The following SLC2A13 variants were observed in gnomAD, a reference collection of about 807,000 sequenced individuals.
SLC2A13 encodes the protein solute carrier family 2 member 13.
SLC2A13 carries 32 observed loss-of-function variants against 64.4 expected under a neutral mutation model. That is an observed-to-expected ratio of 0.50 (90% CI 0.37 to 0.67). The LOEUF (loss-of-function observed/expected upper bound fraction) is 0.67. SLC2A13 is among the 30% of genes least tolerant of loss of function. SLC2A13 has a pLI of 0.00. For synonymous variants in SLC2A13, 338 were observed against 327.1 expected (o/e 1.03, Z -0.36); for missense variants, 743 against 829.2 (o/e 0.90, Z 1.28).
Position 39,816,293 on chromosome 12 carries a change from G to A in SLC2A13, c.1445+13810C>T, listed in dbSNP as rs542111561. On this transcript the variant is annotated intron_variant, in intron 7 of 9. Coordinates refer to ENST00000280871, the MANE Select transcript of SLC2A13 (RefSeq NM_052885.4). ...TTTTCTCACTGATGGGGTGAAGGAT[G>A]AGATGAGATGAAAGGCCGTAGGTTG... is the stretch of plus-strand genomic sequence containing the variant. 1.0e-3 allele frequency among the ~76,000 whole-genome samples: 155 copies of A among 152,126 alleles called. 1 individual carries two copies. Among genetic ancestry groups the A allele is most frequent in the African/African-American group, 3.6e-3 (150 of 41,498 alleles).
intron 4 of SLC2A13, among the ~76,000 whole-genome samples, chr12:39,920,298 T>C (rs1378875279): frequency 6.6e-6 from 1 of 152,088 alleles, no homozygotes; most frequent in Non-Finnish European, 1.5e-5. Context: ...AAATATTAAT[T>C]ATCTCCAAGA....
rs1284587520 is a variant in SLC2A13 at position 39,980,175 on chromosome 12, G to C, written c.926-28810C>G. ...CCCTAAAAGAGCTCCTGAAGGAAGC[G>C]CTAAACATGGAAAGGAACAACCAGT... On this transcript the variant is annotated intron_variant, in intron 3 of 9. Coordinates refer to ENST00000280871, the MANE Select transcript of SLC2A13 (RefSeq NM_052885.4). Among the ~76,000 whole-genome samples the C allele has an allele frequency of 5.3e-5, 8 of 151,344 alleles. No individual in the cohort carries two copies. In the South Asian group the frequency reaches 1.7e-3, roughly 32 times the overall value.
At chr12:39,971,045 C>T (rs1375310001) in intron 3 of SLC2A13, among the ~76,000 whole-genome samples, 1 of 152,070 alleles carries the variant, frequency 6.6e-6, no homozygotes, top group Non-Finnish European at 1.5e-5. Context: ...TTAGCTCTTC[C>T]CCTAGTGTTG....
chr12:39,826,936 C>T (rs752623154), intron 7 of SLC2A13, among the ~76,000 whole-genome samples: 2 of 129,460 alleles, frequency 1.5e-5, no homozygotes, highest in Admixed American at 2.0e-4. Context: ...TCCTTGCCTC[C>T]AATAATTGGT....
intron 3 of SLC2A13, among the ~76,000 whole-genome samples, chr12:40,017,890 G>T (rs1234518324): frequency 6.7e-6 from 1 of 149,226 alleles, no homozygotes; most frequent in Non-Finnish European, 1.5e-5. Context: ...CTTACACGTG[G>T]ACACAAACAT....
At chr12:39,992,427 A>AG (rs1947152597) in intron 3 of SLC2A13, among the ~76,000 whole-genome samples, 2 of 152,186 alleles carry the variant, frequency 1.3e-5, no homozygotes, top group Admixed American at 1.3e-4. Flanking sequence ...GGAGAAAGAC[A>AG]ATAGCAGGTT....
At chr12:39,842,530 C>T (rs1012028601) in intron 6 of SLC2A13, among the ~76,000 whole-genome samples, 1 of 151,974 alleles carries the variant, frequency 6.6e-6, no homozygotes, top group Admixed American at 6.6e-5. Flanking sequence ...CAGTAGGAGG[C>T]AATGGTTACA....
intron 7 of SLC2A13, among the ~76,000 whole-genome samples, chr12:39,770,846 A>T (rs1456710663): frequency 6.6e-6 from 1 of 152,168 alleles, no homozygotes; most frequent in African/African-American, 2.4e-5. Flanking sequence ...CAAGTAAAGA[A>T]AAGTGGCCAA....
At chr12:39,908,455 CTG>C (rs1945348974) in intron 4 of SLC2A13, among the ~76,000 whole-genome samples, 1 of 151,854 alleles carries the variant, frequency 6.6e-6, no homozygotes, top group African/African-American at 2.4e-5. Context: ...ACAGAGGAAA[CTG>C]TGTGGCTGCA....
chr12:39,843,437 G>A (rs1180568110), intron 6 of SLC2A13, among the ~76,000 whole-genome samples: 1 of 152,018 alleles, frequency 6.6e-6, no homozygotes, highest in Non-Finnish European at 1.5e-5. Context: ...TTTGCAGAAA[G>A]AATAATAGGG....
At chr12:39,821,910 GAAT>G (rs1247970449) in intron 7 of SLC2A13, among the ~76,000 whole-genome samples, 2 of 152,074 alleles carry the variant, frequency 1.3e-5, no homozygotes, top group African/African-American at 2.4e-5. Context: ...GGAATGAAAA[GAAT>G]ATTATTAATT....
intron 2 of SLC2A13, among the ~76,000 whole-genome samples, chr12:40,029,044 T>C (rs1947866789): frequency 6.6e-6 from 1 of 152,156 alleles, no homozygotes; most frequent in African/African-American, 2.4e-5. Context: ...TTCATCATCA[T>C]TAACTGAGGA....
chr12:39,947,570 A>G (rs1021568188), intron 4 of SLC2A13, among the ~76,000 whole-genome samples: 1 of 152,156 alleles, frequency 6.6e-6, no homozygotes, highest in Non-Finnish European at 1.5e-5. Context: ...CTATTTATTA[A>G]TAGTCATCAG....
chr12:39,777,285 A>G (rs1940811274), intron 7 of SLC2A13, among the ~76,000 whole-genome samples: 1 of 152,212 alleles, frequency 6.6e-6, no homozygotes, highest in South Asian at 2.1e-4. Flanking sequence ...AATAATAGCA[A>G]CAAACTCAGG....
intron 1 of SLC2A13, among the ~76,000 whole-genome samples, chr12:40,066,643 T>G (rs994557417): frequency 7.9e-5 from 12 of 151,982 alleles, no homozygotes; most frequent in African/African-American, 2.9e-4. Flanking sequence ...AAAAGTACAG[T>G]TAATAAAAAC....
chr12:39,778,885 A>T (rs934130067), intron 7 of SLC2A13, among the ~76,000 whole-genome samples: 2 of 152,240 alleles, frequency 1.3e-5, no homozygotes, highest in Non-Finnish European at 2.9e-5. Context: ...GCTTCCAGGA[A>T]AACTCTGTTT....
intron 1 of SLC2A13, among the ~76,000 whole-genome samples, chr12:40,103,388 A>G (rs1939206971): frequency 6.6e-6 from 1 of 152,166 alleles, no homozygotes; most frequent in South Asian, 2.1e-4. Flanking sequence ...TGAATTCATC[A>G]GCCATCTCTG....
chr12:40,023,850 A>G (rs1285795790), intron 3 of SLC2A13, among the ~76,000 whole-genome samples: 3 of 152,248 alleles, frequency 2.0e-5, no homozygotes, highest in Non-Finnish European at 2.9e-5. Flanking sequence ...CATGAAGCCA[A>G]TGAATGAAAA....
intron 1 of SLC2A13, among the ~76,000 whole-genome samples, chr12:40,064,525 G>C (rs1400926857): frequency 7.8e-6 from 1 of 128,386 alleles, no homozygotes; most frequent in Admixed American, 7.3e-5. Flanking sequence ...ACAGTGCAAG[G>C]AAATTCTTTT....
Sources: allele counts gnomAD v4.1 joint callset (sites outside exome capture counted in the v4.1 genomes callset), GRCh38; gene constraint gnomAD v4.1.1; transcripts MANE v1.5; gene names NCBI Gene and HGNC (gene_info 2026-07-23, HGNC 2026-07-21).